SLC7A2: variants seen among roughly 807,000 people sequenced by gnomAD.
The protein encoded by SLC7A2 is solute carrier family 7 member 2.
Under a neutral mutation model 58.9 loss-of-function variants are expected in SLC7A2, and 48 were observed. That is an observed-to-expected ratio of 0.82 (90% CI 0.65 to 1.04). The LOEUF is 1.04. Ranked by LOEUF, SLC7A2 falls within the 50% of genes least tolerant of loss-of-function variation. SLC7A2 has a pLI of 0.00. For synonymous variants in SLC7A2, 363 were observed against 314.5 expected (o/e 1.15, Z -1.63); for missense variants, 1,029 against 818.8 (o/e 1.26, Z -3.13).
At position 17,548,758 on chromosome 8, in the gene SLC7A2, G is replaced by C. The variant is rs779387774; in HGVS notation, c.613G>C (p.Val205Leu). ...TGTTAATATTCTCGTCCTTCTGTTT[G>C]TGATGGTTGCTGGGTTTGTGAAAGG... ...TAVNILVLLF[V>L]MVAGFVKGNV... The change falls in exon 5 of 13, where the codon GTG becomes CTG. Residue 205 changes from valine to leucine, a missense_variant. Coordinates refer to ENST00000494857, the MANE Select transcript of SLC7A2 (RefSeq NM_001370338.1). The C allele has an allele frequency of 2.5e-6, 4 of 1,613,884 alleles. No individual in the cohort carries two copies. In the South Asian group the frequency reaches 4.4e-5, roughly 18 times the overall value.
intron 2 of SLC7A2, among the ~76,000 whole-genome samples, chr8:17,541,623 A>G (rs998850502): frequency 1.3e-5 from 2 of 152,170 alleles, no homozygotes; most frequent in African/African-American, 4.8e-5. Context: ...TGTGTGGATA[A>G]TGTTCCTCAG....
Position 17,544,444 on chromosome 8 carries a change from T to C in SLC7A2, c.377-7T>C, listed in dbSNP as rs976681233. The stretch of plus-strand genomic sequence containing the variant: ...TGACTTCGTATTCTCTGTTCTGTTT[T>C]GGGAAGGTACATCAAGTGTTGCAAG... On this transcript the variant is annotated splice_polypyrimidine_tract_variant and splice_region_variant and intron_variant, in intron 3 of 12. Transcript: ENST00000494857. 3.1e-6 allele frequency: 5 copies of C among 1,613,286 alleles called. No homozygotes were observed. The highest frequency in any genetic ancestry group is 4.2e-6 in the Non-Finnish European group (5 of 1,179,594).
At chr8:17,530,144 C>G (rs921852668) in intron 2 of SLC7A2, among the ~76,000 whole-genome samples, 1 of 152,024 alleles carries the variant, frequency 6.6e-6, no homozygotes, top group African/African-American at 2.4e-5. Flanking sequence ...TATAAATAAG[C>G]CTGGTTTCTT....
rs1387869334 is a variant in SLC7A2, at chr8:17,548,722, G to A, written c.577G>A (p.Val193Ile). ...AAAAGAGTCTGCTTGGGTGAATAAA[G>A]TCTTCACAGCTGTTAATATTCTCGT... ...GVKESAWVNK[V>I]FTAVNILVLL... Residue 193 changes from valine (V) to isoleucine (I), a missense_variant, in exon 5 of 13, where the codon GTC becomes ATC. Val to Ile is a conservative substitution (Grantham distance 29). Transcript: ENST00000494857. The A allele has an allele frequency of 2.2e-5, 36 of 1,613,186 alleles. No homozygotes were observed. Among genetic ancestry groups the A allele is most frequent in the Non-Finnish European group, 2.9e-5 (34 of 1,179,600 alleles).
chr8:17,561,766 T>C (rs984185014), intron 10 of SLC7A2, among the ~76,000 whole-genome samples, 178 bp from the exon 11 acceptor site: 1 of 152,192 alleles, frequency 6.6e-6, no homozygotes, highest in Non-Finnish European at 1.5e-5. Flanking sequence ...CTTAAATCCC[T>C]GCAACTGGAC....
rs771737939 is a variant in SLC7A2 at position 17,563,603 on chromosome 8, G to A, written c.1672G>A (p.Val558Ile). The change falls in exon 12 of 13, where the codon GTT (valine) becomes ATT (isoleucine). Residue 558 changes from valine to isoleucine, a missense_variant and splice_region_variant. Val to Ile is a conservative substitution (Grantham distance 29). Coordinates refer to ENST00000494857, the MANE Select transcript of SLC7A2 (RefSeq NM_001370338.1). ...TCAAAAGGATTGTTTTCCCCCTCAG[G>A]TTCCATTCTTACCATTTTTGCCAGC... ...PQNQQKVAFMVPFLPFLPAFS... is the reference protein window; with the variant it reads ...PQNQQKVAFMIPFLPFLPAFS... 8.2e-5 allele frequency: 130 copies of A among 1,590,558 alleles called. No individual in the cohort carries two copies. The highest frequency in any genetic ancestry group is 1.1e-4 in the Non-Finnish European group (124 of 1,159,894).
chr8:17,516,764 T>C (rs1312188444), intron 2 of SLC7A2, among the ~76,000 whole-genome samples: 1 of 152,150 alleles, frequency 6.6e-6, no homozygotes, highest in Non-Finnish European at 1.5e-5. Context: ...ACTTAACTGG[T>C]CAGCACTTAA....
rs1193364698 is a variant in SLC7A2, at chr8:17,550,332, T to C, written c.730T>C (p.Tyr244His). 6.2e-6 allele frequency: 10 copies of C among 1,614,004 alleles called. 1 individual carries two copies. Among genetic ancestry groups the C allele is most frequent in the Non-Finnish European group, 5.9e-6 (7 of 1,179,966 alleles). Residue 244 changes from tyrosine to histidine, a missense_variant, in exon 6 of 13, where the codon TAT (tyrosine) becomes CAT (histidine). Tyr to His is a moderately conservative substitution (Grantham distance 83). Coordinates refer to ENST00000494857, the MANE Select transcript of SLC7A2 (RefSeq NM_001370338.1). ...ACCTTCTGAAAACGGAACAAGTATC[T>C]ATGGGGCTGGTGGCTTTATGCCTTA... ...EPPSENGTSIYGAGGFMPYGF... is the reference protein window; with the variant it reads ...EPPSENGTSIHGAGGFMPYGF...
chr8:17,494,214 T>C (rs541164689), upstream of SLC7A2, among the ~76,000 whole-genome samples: 3 of 152,328 alleles, frequency 2.0e-5, no homozygotes, highest in South Asian at 4.1e-4. Flanking sequence ...AAATCCCTTA[T>C]TTGTGGACAT....
intron 2 of SLC7A2, chr8:17,538,988 CT>C: frequency 7.2e-7 from 1 of 1,385,912 alleles, no homozygotes; most frequent in Non-Finnish European, 1.0e-6. Flanking sequence ...TCAACCTTTA[CT>C]TAGGGGAGGA....
intron 2 of SLC7A2, among the ~76,000 whole-genome samples, chr8:17,504,583 A>G (rs1241791769): frequency 6.6e-6 from 1 of 152,226 alleles, no homozygotes; most frequent in African/African-American, 2.4e-5. Flanking sequence ...CATTCCTTAG[A>G]GAACCCATAT....
intron 2 of SLC7A2, among the ~76,000 whole-genome samples, chr8:17,522,479 C>T (rs1420961362): frequency 1.3e-5 from 2 of 152,132 alleles, no homozygotes; most frequent in East Asian, 3.9e-4. Context: ...AGATTGTGCG[C>T]TTGTTTGTAC....
At chr8:17,535,093 A>G (rs921771641) in intron 2 of SLC7A2, among the ~76,000 whole-genome samples, 6 of 152,086 alleles carry the variant, frequency 3.9e-5, no homozygotes, top group Non-Finnish European at 8.8e-5. Context: ...CTCAAATTCT[A>G]CGTCTGGCTT....
At chr8:17,547,700 G>C (rs1025185383) in intron 4 of SLC7A2, among the ~76,000 whole-genome samples, 3 of 151,964 alleles carry the variant, frequency 2.0e-5, no homozygotes, top group Admixed American at 6.6e-5. Context: ...CTATAAATAA[G>C]GGATGAATTA....
At position 17,566,818 on chromosome 8, in the gene SLC7A2, A is replaced by C. The variant is rs897450292; in HGVS notation, c.*1672A>C. The C allele has an allele frequency of 7.2e-5, 11 of 152,192 alleles. No individual in the cohort carries two copies. The highest frequency in any genetic ancestry group is 2.7e-4 in the African/African-American group (11 of 41,440). 9.4% of individuals were successfully genotyped at this position (152,192 alleles called of 1,614,324 possible). A position where few individuals can be genotyped will look rare whatever the true frequency, so the allele number is the denominator to read the frequency against. On this transcript the variant is annotated 3_prime_UTR_variant, in exon 13 of 13. Coordinates refer to ENST00000494857, the MANE Select transcript of SLC7A2 (RefSeq NM_001370338.1). The stretch of plus-strand genomic sequence containing the variant: ...ATAGTTCATTGGATGAGGCTGGGTG[A>C]CATTTCCCAGGACAGCATGGTGAAC...
chr8:17,496,147 G>A (rs1327987038), upstream of SLC7A2, among the ~76,000 whole-genome samples: 1 of 152,134 alleles, frequency 6.6e-6, no homozygotes, highest in East Asian at 1.9e-4. Flanking sequence ...ATAGTAATAG[G>A]CCGGGCATGG....
chr8:17,538,499 T>C (rs1366590873), intron 2 of SLC7A2, among the ~76,000 whole-genome samples: 1 of 152,256 alleles, frequency 6.6e-6, no homozygotes, highest in African/African-American at 2.4e-5. Context: ...GATAGTCTTT[T>C]ATCCTACATT....
intron 4 of SLC7A2, among the ~76,000 whole-genome samples, chr8:17,548,030 C>T (rs985297214): frequency 2.0e-5 from 3 of 152,082 alleles, no homozygotes; most frequent in African/African-American, 7.2e-5. Flanking sequence ...AATGTTTTAG[C>T]GTTTACTTTT....
chr8:17,551,863 C>T lies in SLC7A2; in HGVS notation c.932C>T (p.Thr311Ile). Residue 311 changes from threonine (T) to isoleucine (I), a missense_variant, in exon 7 of 13, where the codon ACA becomes ATA. Coordinates refer to ENST00000494857, the MANE Select transcript of SLC7A2 (RefSeq NM_001370338.1). ...MAYFGVSAAL[T>I]LMMPYYLLDE... ...TATTTTGGGGTCTCTGCAGCTTTAA[C>T]ACTTATGATGCCGTACTACCTCCTC... 6.2e-7 allele frequency: 1 copy of T among 1,613,932 alleles called. No homozygotes were observed. Among genetic ancestry groups the T allele is most frequent in the Non-Finnish European group, 8.5e-7 (1 of 1,179,974 alleles).
Sources: allele counts gnomAD v4.1 joint callset (sites outside exome capture counted in the v4.1 genomes callset), GRCh38; gene constraint gnomAD v4.1.1; transcripts MANE v1.5; gene names NCBI Gene and HGNC (gene_info 2026-07-23, HGNC 2026-07-21).